The following AIMP1 variants were observed in gnomAD, a reference collection of about 807,000 sequenced individuals.
The protein encoded by AIMP1 is aminoacyl tRNA synthetase complex interacting multifunctional protein 1.
A neutral mutation model predicts 33.1 loss-of-function variants in AIMP1; 24 were observed. The observed-to-expected ratio is 0.73, with a 90% CI of 0.53 to 1.02. The LOEUF (loss-of-function observed/expected upper bound fraction) is 1.02. Among genes scored for constraint, AIMP1 ranks in the 50% least tolerant of loss-of-function variants. The pLI, the probability that AIMP1 is intolerant of heterozygous loss-of-function variation, is 0.00. For missense variants in AIMP1, 367 were observed against 364.8 expected (o/e 1.01, Z -0.05); for synonymous variants, 120 against 121.5 (o/e 0.99, Z 0.08).
Position 106,348,330 on chromosome 4 carries a change from T to A in AIMP1, c.*638T>A, listed in dbSNP as rs569938186. On this transcript the variant is annotated 3_prime_UTR_variant, in exon 7 of 7. Transcript: ENST00000672341. Reference sequence around the variant, plus strand: ...AAGTTTTTCTATTTAGCAAAATAATTAGTAATAAGTTTTGACTAGGTCTAA... The same window carrying A: ...AAGTTTTTCTATTTAGCAAAATAATAAGTAATAAGTTTTGACTAGGTCTAA... 2 of 152,242 alleles carry A rather than the reference T, an allele frequency of 1.3e-5. No individual in the cohort carries two copies. The highest frequency in any genetic ancestry group is 3.9e-4 in the East Asian group (2 of 5,178). 9.4% of individuals were successfully genotyped at this position (152,242 alleles called of 1,614,324 possible).
At chr4:106,340,210 CTG>C (rs990600748) in intron 6 of AIMP1, among the ~76,000 whole-genome samples, 2 of 151,370 alleles carry the variant, frequency 1.3e-5, no homozygotes, top group Admixed American at 1.3e-4. Context: ...GTAGAAATGA[CTG>C]AGGATTTGTG....
At chr4:106,346,975 A>T (rs1166175127) in intron 6 of AIMP1, among the ~76,000 whole-genome samples, 1 of 152,098 alleles carries the variant, frequency 6.6e-6, no homozygotes, top group Non-Finnish European at 1.5e-5. Flanking sequence ...TACTCGTGGC[A>T]GTCAAAGCAA....
At chr4:106,343,164 A>C (rs1770165042) in intron 6 of AIMP1, among the ~76,000 whole-genome samples, 1 of 151,898 alleles carries the variant, frequency 6.6e-6, no homozygotes, top group Non-Finnish European at 1.5e-5. Context: ...CAATCTTGGG[A>C]GGTTGTGTGT....
At chr4:106,341,557 C>T (rs971782478) in intron 6 of AIMP1, among the ~76,000 whole-genome samples, 1 of 151,902 alleles carries the variant, frequency 6.6e-6, no homozygotes, top group African/African-American at 2.4e-5. Flanking sequence ...AGTTTTTTTC[C>T]CATTGCTTGT....
At chr4:106,316,548 A>G (rs1001991896), upstream of AIMP1, 64 of 1,551,304 alleles carry the variant, frequency 4.1e-5, no homozygotes, top group Non-Finnish European at 5.2e-5. Context: ...CTGGACCTAC[A>G]TGCTTCCTGC....
rs2125931299 is a variant in AIMP1 at position 106,348,421 on chromosome 4, CCTT to C, written c.*730_*732del. On this transcript the variant is annotated 3_prime_UTR_variant, in exon 7 of 7. Coordinates refer to ENST00000672341, the MANE Select transcript of AIMP1 (RefSeq NM_001142416.2). ...ATAAATTGATCATAAAAGCAGCTAT[CCTT>C]TTTTTTTTTAATTCTAGCTTCTTTT... The C allele has an allele frequency of 6.9e-6, 1 of 145,322 alleles. No homozygotes were observed. The highest frequency in any genetic ancestry group is 2.0e-4 in the East Asian group (1 of 4,972). The allele number at this position is 145,322 out of a possible 1,614,324, so 9.0% of individuals were successfully genotyped here.
At chr4:106,345,609 C>T (rs1770266585) in intron 6 of AIMP1, among the ~76,000 whole-genome samples, 1 of 151,798 alleles carries the variant, frequency 6.6e-6, no homozygotes. Flanking sequence ...CACTTTCAGT[C>T]TTAGTTTCAT....
intron 6 of AIMP1, among the ~76,000 whole-genome samples, chr4:106,341,786 C>T (rs1259418877): frequency 2.6e-5 from 4 of 152,080 alleles, no homozygotes; most frequent in Admixed American, 2.6e-4. Context: ...TTTCCTCATT[C>T]CACGCAAATT....
At chr4:106,334,307 C>T (rs1364992579) in intron 5 of AIMP1, among the ~76,000 whole-genome samples, 1 of 148,132 alleles carries the variant, frequency 6.8e-6, no homozygotes, top group East Asian at 2.0e-4. Flanking sequence ...CTCACCCAGG[C>T]TGGAGTGCAG....
In AIMP1 at chr4:106,349,113, A is replaced by G. The variant is rs1770403215; in HGVS notation, c.*1421A>G. On this transcript the variant is annotated 3_prime_UTR_variant, in exon 7 of 7. Transcript: ENST00000672341. The stretch of plus-strand genomic sequence containing the variant: ...ATTATCAATGTGATATTCTGAAAAT[A>G]TGAACTGAGCGTCATTAACAATTGT... 1 of 152,136 alleles carries G rather than the reference A, an allele frequency of 6.6e-6. No individual in the cohort carries two copies. Among genetic ancestry groups the G allele is most frequent in the African/African-American group, 2.4e-5 (1 of 41,452 alleles). 9.4% of individuals were successfully genotyped at this position (152,136 alleles called of 1,614,324 possible).
intron 2 of AIMP1, among the ~76,000 whole-genome samples, chr4:106,325,932 T>C (rs1769439065): frequency 6.6e-6 from 1 of 152,156 alleles, no homozygotes; most frequent in Non-Finnish European, 1.5e-5. Context: ...TAAGTAATAC[T>C]TCAGCAGAAT....
chr4:106,320,073 A>C (rs1245840260), intron 1 of AIMP1, among the ~76,000 whole-genome samples: 1 of 152,226 alleles, frequency 6.6e-6, no homozygotes, highest in Non-Finnish European at 1.5e-5. Flanking sequence ...ATGTTCTACA[A>C]ATATATGTAG....
chr4:106,337,129 AG>A, intron 6 of AIMP1, 92 bp downstream of exon 6: 1 of 1,172,258 alleles, frequency 8.5e-7, no homozygotes, highest in Non-Finnish European at 1.3e-6. Flanking sequence ...GTCCTGTGTA[AG>A]AATCATGAGT....
upstream of AIMP1, chr4:106,316,434 A>G: frequency 9.4e-7 from 1 of 1,068,700 alleles, no homozygotes; most frequent in South Asian, 1.4e-5. Context: ...GGGACTGAGC[A>G]CAGGAAGAGG....
At chr4:106,332,610 GATACAT>G (rs1486009168) in intron 5 of AIMP1, among the ~76,000 whole-genome samples, 5 of 142,370 alleles carry the variant, frequency 3.5e-5, no homozygotes, top group Non-Finnish European at 7.7e-5. Flanking sequence ...TATATACAGA[GATACAT>G]ATATATATAT....
At chr4:106,320,292 C>T (rs1429282807) in intron 1 of AIMP1, among the ~76,000 whole-genome samples, 2 of 152,132 alleles carry the variant, frequency 1.3e-5, no homozygotes, top group Non-Finnish European at 2.9e-5. Flanking sequence ...GTGCCCTAAG[C>T]GTAACATTAT....
rs542879990 is a variant in AIMP1 at position 106,318,053 on chromosome 4, A to G, written c.-26+1459A>G. ...CTGGCCTCTCATAGCTGTCCACCCT[A>G]TAGTCATTCCTTATAGCCATCCTTT... On this transcript the variant is annotated intron_variant, in intron 1 of 6. Transcript: ENST00000672341. Among the ~76,000 whole-genome samples, 48 of 152,272 alleles carry G rather than the reference A, an allele frequency of 3.2e-4. No individual in the cohort carries two copies. The Middle Eastern group carries it at 0.01, about 32-fold the overall frequency.
At chr4:106,317,808 A>AT (rs1769023446) in intron 1 of AIMP1, among the ~76,000 whole-genome samples, 1 of 152,160 alleles carries the variant, frequency 6.6e-6, no homozygotes, top group African/African-American at 2.4e-5. Flanking sequence ...AATGGAAATC[A>AT]CATCTGTCAA....
At chr4:106,343,627 C>T (rs953735992) in intron 6 of AIMP1, among the ~76,000 whole-genome samples, 5 of 152,056 alleles carry the variant, frequency 3.3e-5, no homozygotes, top group Non-Finnish European at 5.9e-5. Context: ...GATTACATTT[C>T]GAGAAAATCT....
Sources: gnomAD v4.1 joint callset for allele counts (sites outside exome capture counted in the v4.1 genomes callset) on GRCh38, gnomAD v4.1.1 for gene constraint, MANE v1.5 for transcripts, NCBI Gene and HGNC (gene_info 2026-07-23, HGNC 2026-07-21) for gene names.